The following SP140L variants were observed in gnomAD, a reference collection of about 807,000 sequenced individuals.
SP140L encodes the protein nuclear body protein SP140-like protein.
SP140L carries 64 observed loss-of-function variants against 84.3 expected under a neutral mutation model. The observed-to-expected ratio is 0.76, with a 90% CI of 0.62 to 0.94. The LOEUF is 0.94. Ranked by LOEUF, SP140L falls within the 40% of genes least tolerant of loss-of-function variation. The pLI is 0.00. For synonymous variants in SP140L, 242 were observed against 236.9 expected (o/e 1.02, Z -0.20); for missense variants, 628 against 692.5 (o/e 0.91, Z 1.05).
chr2:230,400,042 T>G, intron 14 of SP140L, 85 bp from the exon 15 acceptor site: 1 of 1,400,454 alleles, frequency 7.1e-7, no homozygotes, highest in African/African-American at 1.4e-5. Flanking sequence ...GGCTCACACA[T>G]AAGCAGTGTG....
rs146316966 is a variant in SP140L, at chr2:230,344,777, G to A, written c.108-13028G>A. Among the ~76,000 whole-genome samples, 213 of 152,108 alleles carry A rather than the reference G, an allele frequency of 1.4e-3. 3 individuals are homozygous for A. Among genetic ancestry groups the A allele is most frequent in the African/African-American group, 4.6e-3 (191 of 41,492 alleles). ...CTTCTTTGACCTATTGGATATTCAA[G>A]AATGTATTGTTTAACTTCCCTACAT... On this transcript the variant is annotated intron_variant, in intron 2 of 18. Transcript: ENST00000415673.
chr2:230,389,691 T>C (rs2061723107), intron 10 of SP140L, among the ~76,000 whole-genome samples: 1 of 152,202 alleles, frequency 6.6e-6, no homozygotes, highest in South Asian at 2.1e-4. Flanking sequence ...AAGTCTAATT[T>C]CTCTGATAAA....
chr2:230,367,746 A>C (rs749074513), intron 5 of SP140L, among the ~76,000 whole-genome samples: 9 of 152,248 alleles, frequency 5.9e-5, no homozygotes, highest in Non-Finnish European at 8.8e-5. Flanking sequence ...ATCCTGGCCA[A>C]CATGGTAAAA....
At chr2:230,373,195 A>G (rs2061142156) in intron 7 of SP140L, among the ~76,000 whole-genome samples, 1 of 152,280 alleles carries the variant, frequency 6.6e-6, no homozygotes, top group South Asian at 2.1e-4. Flanking sequence ...GCTGATGTAG[A>G]AGCTACAGCA....
rs190958723 is a variant in SP140L, at chr2:230,344,215, G to A, written c.108-13590G>A. Among the ~76,000 whole-genome samples, 32 of 152,246 alleles carry A rather than the reference G, an allele frequency of 2.1e-4. No homozygotes were observed. The Middle Eastern group carries it at 0.014, about 65-fold the overall frequency. ...GAATCTGGGTGCTCCTGTATTGGGT[G>A]CATGTATATTTCAGATAGCTCTTCT... On this transcript the variant is annotated intron_variant, in intron 2 of 18. Coordinates refer to ENST00000415673, the MANE Select transcript of SP140L (RefSeq NM_138402.6).
At chr2:230,367,730 G>A (rs1005169192) in intron 5 of SP140L, among the ~76,000 whole-genome samples, 9 of 152,164 alleles carry the variant, frequency 5.9e-5, no homozygotes, top group Non-Finnish European at 1.2e-4. Context: ...GGCAGATCAC[G>A]AGGCCATCCT....
chr2:230,347,413 G>A (rs995836478), intron 2 of SP140L, among the ~76,000 whole-genome samples: 16 of 152,112 alleles, frequency 1.1e-4, no homozygotes, highest in Admixed American at 1.0e-3. Flanking sequence ...TCAGGTACCT[G>A]GGTTTGGTGG....
chr2:230,354,908 G>GAA (rs2060492339), intron 2 of SP140L, among the ~76,000 whole-genome samples: 1 of 111,582 alleles, frequency 9.0e-6, no homozygotes, highest in South Asian at 3.1e-4. Context: ...GAAAGAGAAA[G>GAA]AAGAAAGAAA....
intron 7 of SP140L, among the ~76,000 whole-genome samples, chr2:230,382,667 C>G (rs1324875744): frequency 6.6e-6 from 1 of 152,136 alleles, no homozygotes; most frequent in Non-Finnish European, 1.5e-5. Flanking sequence ...AGGCATCATC[C>G]CTAGGAATGA....
At chr2:230,388,775 C>A in intron 10 of SP140L, 142 bp downstream of exon 10, 1 of 752,422 alleles carries the variant, frequency 1.3e-6, no homozygotes, top group African/African-American at 1.8e-5. Context: ...CTTATTAAGT[C>A]ATTTTCCAAA....
At chr2:230,383,682 C>A in intron 8 of SP140L, 107 bp downstream of exon 8, 3 of 1,077,944 alleles carry the variant, frequency 2.8e-6, no homozygotes, top group South Asian at 3.5e-5. Flanking sequence ...TTCTGTACTT[C>A]CTGTATCCGT....
At chr2:230,394,179 C>G (rs2061947671) in intron 13 of SP140L, among the ~76,000 whole-genome samples, 1 of 152,214 alleles carries the variant, frequency 6.6e-6, no homozygotes, top group Non-Finnish European at 1.5e-5. Flanking sequence ...AGGGACTGTG[C>G]AGACCTGCTT....
intron 2 of SP140L, among the ~76,000 whole-genome samples, chr2:230,344,895 T>C (rs553647134): frequency 6.6e-5 from 10 of 152,338 alleles, no homozygotes; most frequent in African/African-American, 2.4e-4. Context: ...GAAAAGCACT[T>C]GGTATGATTT....
chr2:230,335,461 G>A (rs540372065), intron 2 of SP140L, among the ~76,000 whole-genome samples: 1 of 152,330 alleles, frequency 6.6e-6, no homozygotes, highest in African/African-American at 2.4e-5. Context: ...AGAAGCGTCT[G>A]GAAGCAGCTT....
intron 9 of SP140L, among the ~76,000 whole-genome samples, chr2:230,387,979 T>G (rs2061654848): frequency 6.6e-6 from 1 of 152,218 alleles, no homozygotes; most frequent in African/African-American, 2.4e-5. Context: ...CCCAATGTGA[T>G]ATGTGCAGCA....
At chr2:230,369,467 G>C (rs771041084) in intron 5 of SP140L, among the ~76,000 whole-genome samples, 3 of 152,224 alleles carry the variant, frequency 2.0e-5, no homozygotes, top group Non-Finnish European at 4.4e-5. Flanking sequence ...TGTGAGCTTG[G>C]AGGTTCAGAC....
chr2:230,337,197 G>A (rs565323207), intron 2 of SP140L, among the ~76,000 whole-genome samples: 2 of 152,100 alleles, frequency 1.3e-5, no homozygotes, highest in East Asian at 3.9e-4. Context: ...TAACTGGTGT[G>A]AGATGGTATC....
chr2:230,402,858 G>T lies in SP140L; in HGVS notation c.1705G>T (p.Glu569Ter). ...LEAEFEKDFK[E>*]VFAIQETNGN... ...GGCTGAATTTGAGAAGGATTTCAAG[G>T]AAGTGTTTGCTATTCAGGAAACAAA... Residue 569 changes from glutamate to a stop codon, truncating the protein, a stop_gained, in exon 19 of 19, where the codon GAA (glutamate) becomes TAA (stop). Transcript: ENST00000415673. LOFTEE classifies it high-confidence loss of function. The T allele has an allele frequency of 6.2e-7, 1 of 1,613,290 alleles. No individual in the cohort carries two copies. The highest frequency in any genetic ancestry group is 8.5e-7 in the Non-Finnish European group (1 of 1,179,780).
chr2:230,361,642 A>C lies in SP140L; in HGVS notation c.468A>C (p.Glu156Asp). 6.4e-7 allele frequency: 1 copy of C among 1,562,014 alleles called. No individual in the cohort carries two copies. The highest frequency in any genetic ancestry group is 8.7e-7 in the Non-Finnish European group (1 of 1,151,930). The change falls in exon 5 of 19, where the codon GAA becomes GAC. Residue 156 changes from glutamate to aspartate, a missense_variant. Glu to Asp is a conservative substitution (Grantham distance 45). Coordinates refer to ENST00000415673, the MANE Select transcript of SP140L (RefSeq NM_138402.6). ...NAIQDKLSFQ[E>D]SDRKEREERP... ...TCCAAGACAAATTGTCTTTCCAAGAAAGTGATCGAAAAGAAAGGGAAGAGA... is the reference window on the plus strand; with the variant it reads ...TCCAAGACAAATTGTCTTTCCAAGACAGTGATCGAAAAGAAAGGGAAGAGA...
Sources: allele counts gnomAD v4.1 joint callset (sites outside exome capture counted in the v4.1 genomes callset), GRCh38; gene constraint gnomAD v4.1.1; transcripts MANE v1.5; gene names NCBI Gene and HGNC (gene_info 2026-07-23, HGNC 2026-07-21).